The following PLGRKT variants were observed in gnomAD, a reference collection of about 807,000 sequenced individuals.
PLGRKT encodes plasminogen receptor (KT).
PLGRKT carries 22 observed loss-of-function variants against 18.5 expected under a neutral mutation model. That is an observed-to-expected ratio of 1.19 (90% CI 0.85 to 1.70). The LOEUF (loss-of-function observed/expected upper bound fraction) is 1.70, where lower values mean the gene tolerates loss of function less well. Ranked by LOEUF, PLGRKT falls within the 40% of genes most tolerant of loss-of-function variation. The pLI, the probability that PLGRKT is intolerant of heterozygous loss-of-function variation, is 0.00. For synonymous variants in PLGRKT, 72 were observed against 52.8 expected (o/e 1.36, Z -1.58); for missense variants, 235 against 174.4 (o/e 1.35, Z -1.96).
In PLGRKT at chr9:5,425,402, G is replaced by C. The variant is rs1428755472; in HGVS notation, c.81+6495C>G. ...ATCACAATTTGAACCAAAGTCGTAA[G>C]TTAAAAAAAGAAAACCTTTTGATTT... is the stretch of plus-strand genomic sequence containing the variant. On this transcript the variant is annotated intron_variant, in intron 3 of 5. Transcript: ENST00000223864. Among the ~76,000 whole-genome samples, 4 of 152,088 alleles carry C rather than the reference G, an allele frequency of 2.6e-5. No individual in the cohort carries two copies. In the South Asian group the frequency reaches 6.2e-4, roughly 24 times the overall value.
At chr9:5,389,286 G>A (rs1251045960) in intron 3 of PLGRKT, among the ~76,000 whole-genome samples, 1 of 151,936 alleles carries the variant, frequency 6.6e-6, no homozygotes, top group African/African-American at 2.4e-5. Flanking sequence ...CTGTGGTTTT[G>A]ACAACGTTCA....
At chr9:5,367,283 A>G (rs1329570596) in intron 3 of PLGRKT, among the ~76,000 whole-genome samples, 2 of 152,080 alleles carry the variant, frequency 1.3e-5, no homozygotes, top group African/African-American at 4.8e-5. Context: ...GTCCAAATAG[A>G]TAAAGCAATC....
intron 3 of PLGRKT, among the ~76,000 whole-genome samples, chr9:5,383,451 C>G (rs1389963525): frequency 6.6e-6 from 1 of 152,084 alleles, no homozygotes; most frequent in Non-Finnish European, 1.5e-5. Flanking sequence ...TTTCCATGGA[C>G]CAGGTTGACG....
chr9:5,373,624 ACT>A (rs1436472743), intron 3 of PLGRKT, among the ~76,000 whole-genome samples: 3 of 151,966 alleles, frequency 2.0e-5, no homozygotes, highest in African/African-American at 4.8e-5. Context: ...ACATAGTGTG[ACT>A]CTGTCTCTAG....
intron 3 of PLGRKT, among the ~76,000 whole-genome samples, chr9:5,420,556 A>G (rs1818556096): frequency 6.6e-6 from 1 of 151,862 alleles, no homozygotes; most frequent in Admixed American, 6.6e-5. Context: ...TCCAGGAGTT[A>G]AGTCATGCAT....
chr9:5,415,114 C>A (rs11788563), intron 3 of PLGRKT, among the ~76,000 whole-genome samples: 1 of 151,812 alleles, frequency 6.6e-6, no homozygotes, highest in Non-Finnish European at 1.5e-5. Flanking sequence ...AGGCCTGGAG[C>A]AGGAACAATA....
At chr9:5,430,036 G>C (rs544214968) in intron 3 of PLGRKT, among the ~76,000 whole-genome samples, 1 of 152,250 alleles carries the variant, frequency 6.6e-6, no homozygotes, top group East Asian at 1.9e-4. Context: ...CTGCTCAACT[G>C]TGACACAAAT....
chr9:5,431,905 G>T lies in PLGRKT; in HGVS notation c.73C>A (p.Arg25=). The T allele has an allele frequency of 1.4e-6, 2 of 1,474,604 alleles. No individual in the cohort carries two copies. The highest frequency in any genetic ancestry group is 1.1e-5 in the South Asian group (1 of 87,678). 91.3% of individuals were successfully genotyped at this position (1,474,604 alleles called of 1,614,324 possible). ...NQKEFMLMNA[R]LQLERQLIMQ... is the part of the protein sequence containing the mutation. ...ATTATTTTAAAACATACCTGAAGTC[G>T]AGCATTCATAAGCATGAACTCCTTT... The change falls in exon 3 of 6, where the codon CGA becomes AGA. Residue 25 remains arginine (R), a synonymous_variant. Coordinates refer to ENST00000223864, the MANE Select transcript of PLGRKT (RefSeq NM_018465.4).
At chr9:5,381,532 A>C (rs536606085) in intron 3 of PLGRKT, among the ~76,000 whole-genome samples, 7 of 152,386 alleles carry the variant, frequency 4.6e-5, no homozygotes, top group African/African-American at 1.7e-4. Context: ...ATGTACAGAC[A>C]TGCCTGGATG....
intron 3 of PLGRKT, among the ~76,000 whole-genome samples, chr9:5,426,238 A>C (rs1458955242): frequency 6.6e-6 from 1 of 152,216 alleles, no homozygotes; most frequent in Non-Finnish European, 1.5e-5. Flanking sequence ...TTGTCATAAC[A>C]GAATTCTTAA....
intron 3 of PLGRKT, among the ~76,000 whole-genome samples, chr9:5,423,080 C>G (rs949715313): frequency 6.6e-6 from 1 of 152,126 alleles, no homozygotes; most frequent in Non-Finnish European, 1.5e-5. Context: ...AGATATGGCT[C>G]CATAGTCTGC....
rs552778696 is a variant in PLGRKT at position 5,430,130 on chromosome 9, C to T, written c.81+1767G>A. ...TGGAGGACATGGGGAATTAACACCACCACGCTCATGCTGTTTGCTGTGCTG... is the reference window on the plus strand; with the variant it reads ...TGGAGGACATGGGGAATTAACACCATCACGCTCATGCTGTTTGCTGTGCTG... On this transcript the variant is annotated intron_variant, in intron 3 of 5. Coordinates refer to ENST00000223864, the MANE Select transcript of PLGRKT (RefSeq NM_018465.4). 6.8e-4 allele frequency among the ~76,000 whole-genome samples: 103 copies of T among 152,336 alleles called. 1 individual carries two copies. The highest frequency in any genetic ancestry group is 2.2e-3 in the African/African-American group (93 of 41,566).
intron 3 of PLGRKT, among the ~76,000 whole-genome samples, chr9:5,376,831 T>C (rs1192581564): frequency 6.6e-6 from 1 of 152,204 alleles, no homozygotes; most frequent in Non-Finnish European, 1.5e-5. Context: ...TAGACTATCT[T>C]TGAAAGACTA....
intron 3 of PLGRKT, among the ~76,000 whole-genome samples, chr9:5,424,203 A>C (rs1818633843): frequency 7.2e-6 from 1 of 137,948 alleles, no homozygotes; most frequent in South Asian, 2.2e-4. Context: ...ATAATACATA[A>C]TATATGTAAT....
At position 5,431,449 on chromosome 9, in the gene PLGRKT, G is replaced by A. The variant is rs553927018; in HGVS notation, c.81+448C>T. On this transcript the variant is annotated intron_variant, in intron 3 of 5. Transcript: ENST00000223864. ...CTAGGGAGGCTGAGGCACAAGAATC[G>A]CTTGAACCCAGGAGGCAGAGGTTGC... 6.0e-5 allele frequency among the ~76,000 whole-genome samples: 9 copies of A among 149,234 alleles called. No individual in the cohort carries two copies. The South Asian group carries it at 1.5e-3, about 24-fold the overall frequency.
intron 3 of PLGRKT, among the ~76,000 whole-genome samples, chr9:5,419,234 G>C (rs2131157284): frequency 6.6e-6 from 1 of 152,338 alleles, no homozygotes; most frequent in South Asian, 2.1e-4. Context: ...CATGGCTTCT[G>C]GAAACAGTGG....
intron 3 of PLGRKT, among the ~76,000 whole-genome samples, chr9:5,367,203 A>C (rs145517953): frequency 2.2e-4 from 33 of 152,294 alleles, no homozygotes; most frequent in African/African-American, 7.7e-4. Context: ...TATTCCTATC[A>C]AACTACCAAC....
At chr9:5,398,552 G>A (rs896818392) in intron 3 of PLGRKT, among the ~76,000 whole-genome samples, 58 of 151,912 alleles carry the variant, frequency 3.8e-4, no homozygotes, top group Non-Finnish European at 1.5e-4. Flanking sequence ...ATTTCTAAGT[G>A]AGTAATAATT....
At chr9:5,420,539 G>C (rs1202534230) in intron 3 of PLGRKT, among the ~76,000 whole-genome samples, 3 of 152,160 alleles carry the variant, frequency 2.0e-5, no homozygotes, top group African/African-American at 4.8e-5. Flanking sequence ...GCTAAATACG[G>C]TGTGGATCCA....
Sources: gnomAD v4.1 joint callset for allele counts (sites outside exome capture counted in the v4.1 genomes callset) on GRCh38, gnomAD v4.1.1 for gene constraint, MANE v1.5 for transcripts, NCBI Gene and HGNC (gene_info 2026-07-23, HGNC 2026-07-21) for gene names.